Variants in ARHGEF4 observed in about 807,000 individuals in gnomAD.
The protein encoded by ARHGEF4 is Rho guanine nucleotide exchange factor 4, also known as APC-stimulated guanine nucleotide exchange factor 1.
A neutral mutation model predicts 162.0 loss-of-function variants in ARHGEF4; 119 were observed. That is an observed-to-expected ratio of 0.73 (90% confidence interval 0.63 to 0.86). The LOEUF is 0.86. Among genes scored for constraint, ARHGEF4 ranks in the 40% least tolerant of loss-of-function variants. The pLI is 0.00. For missense variants in ARHGEF4, 2,488 were observed against 2,456.0 expected (o/e 1.01, Z -0.28); for synonymous variants, 1,014 against 979.9 (o/e 1.03, Z -0.65).
chr2:130,906,423 A>T (rs1038623758), intron 1 of ARHGEF4, among the ~76,000 whole-genome samples: 4 of 152,366 alleles, frequency 2.6e-5, no homozygotes, highest in African/African-American at 9.6e-5. Flanking sequence ...TGCATGGATT[A>T]GTATACAAAT....
intron 1 of ARHGEF4, among the ~76,000 whole-genome samples, chr2:130,843,852 C>T (rs1269668736): frequency 6.6e-6 from 1 of 152,218 alleles, no homozygotes; most frequent in Non-Finnish European, 1.5e-5. Flanking sequence ...CAGGGGGGCC[C>T]TGAATCCAGA....
rs186507529 is a variant in ARHGEF4 at position 130,916,385 on chromosome 2, G to A, written c.2439G>A (p.Gly813=). 1.1e-3 allele frequency: 1,675 copies of A among 1,533,414 alleles called. 14 individuals are homozygous for A. In the African/African-American group the frequency reaches 0.021, roughly 19 times the overall value. The allele number at this position is 1,533,414 out of a possible 1,614,324, so 95.0% of individuals were successfully genotyped here. A position where few individuals can be genotyped will look rare whatever the true frequency, so the allele number is the denominator to read the frequency against. ...GRPLATESPG[G]VPAPTTEGRR... ...CCTTGGCCACTGAGAGCCCAGGAGG[G>A]GTCCCGGCCCCGACCACCGAGGGTC... is the stretch of plus-strand genomic sequence containing the variant. Residue 813 remains glycine, a synonymous_variant, in exon 2 of 14, where the codon GGG becomes GGA. Coordinates refer to ENST00000409359, the MANE Select transcript of ARHGEF4 (RefSeq NM_001367493.1).
At chr2:130,884,597 AAGGGCAAG>A (rs1679396806) in intron 1 of ARHGEF4, among the ~76,000 whole-genome samples, 1 of 152,136 alleles carries the variant, frequency 6.6e-6, no homozygotes, top group African/African-American at 2.4e-5. Context: ...TTGAGGGCTA[AAGGGCAAG>A]TTGCAACACC....
intron 10 of ARHGEF4, among the ~76,000 whole-genome samples, chr2:131,042,851 G>A (rs1329899443): frequency 2.0e-5 from 3 of 152,192 alleles, no homozygotes; most frequent in Admixed American, 1.3e-4. Context: ...TGAAGCCCAA[G>A]GGTGGATGAT....
intron 4 of ARHGEF4, among the ~76,000 whole-genome samples, chr2:131,025,133 G>C (rs1321009170): frequency 2.0e-5 from 3 of 152,166 alleles, no homozygotes; most frequent in Non-Finnish European, 4.4e-5. Flanking sequence ...CAGTTCCACA[G>C]GCTTCACAGG....
rs114008496 is a variant in ARHGEF4, at chr2:130,955,161, C to G, written c.3985+8526C>G. ...ATTTGAATGCGTTCATTGATATTCT[C>G]TGTTTGGTGAGACACTGTCATCACA... On this transcript the variant is annotated intron_variant, in intron 4 of 13. Coordinates refer to ENST00000409359, the MANE Select transcript of ARHGEF4 (RefSeq NM_001367493.1). 5.1e-3 allele frequency among the ~76,000 whole-genome samples: 781 copies of G among 152,246 alleles called. 4 individuals carry two copies. The highest frequency in any genetic ancestry group is 0.017 in the African/African-American group (706 of 41,554).
rs190822102 is a variant in ARHGEF4, at chr2:130,992,497, G to A, written c.3986-35448G>A. Among the ~76,000 whole-genome samples the A allele has an allele frequency of 4.5e-3, 678 of 151,602 alleles. 5 individuals carry two copies. Among genetic ancestry groups the A allele is most frequent in the African/African-American group, 0.015 (633 of 41,274 alleles). Reference sequence around the variant, plus strand: ...CTGCCTTAAGAGCTGTAACACTCACGGGGAAGGTCTGCAGCTTCACTCCTG... The same window carrying A: ...CTGCCTTAAGAGCTGTAACACTCACAGGGAAGGTCTGCAGCTTCACTCCTG... On this transcript the variant is annotated intron_variant, in intron 4 of 13. Coordinates refer to ENST00000409359, the MANE Select transcript of ARHGEF4 (RefSeq NM_001367493.1).
At chr2:131,030,150 T>C (rs1689750018) in intron 5 of ARHGEF4, among the ~76,000 whole-genome samples, 1 of 152,210 alleles carries the variant, frequency 6.6e-6, no homozygotes, top group African/African-American at 2.4e-5. Context: ...GCCTTATGGC[T>C]GCGTTGATCT....
chr2:130,948,086 G>A (rs1394646315), intron 4 of ARHGEF4, among the ~76,000 whole-genome samples: 1 of 152,238 alleles, frequency 6.6e-6, no homozygotes, highest in Non-Finnish European at 1.5e-5. Context: ...AAGCCAGTGT[G>A]GTGAGGCAGA....
At chr2:130,963,263 T>G (rs1684742586) in intron 4 of ARHGEF4, among the ~76,000 whole-genome samples, 1 of 152,044 alleles carries the variant, frequency 6.6e-6, no homozygotes, top group African/African-American at 2.4e-5. Context: ...GTCAGGAGGG[T>G]CGCAGGCGCC....
At chr2:130,934,986 T>A (rs1409563880) in intron 3 of ARHGEF4, among the ~76,000 whole-genome samples, 1 of 152,228 alleles carries the variant, frequency 6.6e-6, no homozygotes, top group African/African-American at 2.4e-5. Context: ...ACATCAGTAG[T>A]AATGCCTCCA....
At chr2:131,022,652 T>C (rs531205020) in intron 4 of ARHGEF4, among the ~76,000 whole-genome samples, 336 of 20,432 alleles carry the variant, frequency 0.016, 1 homozygote, top group African/African-American at 0.04. Flanking sequence ...GCTTCACACA[T>C]TATACAAAAA....
intron 3 of ARHGEF4, among the ~76,000 whole-genome samples, chr2:130,931,481 A>C (rs1017679233): frequency 2.0e-5 from 3 of 152,090 alleles, no homozygotes; most frequent in African/African-American, 7.2e-5. Context: ...CACAGAAGCC[A>C]GGGCCCCCTC....
chr2:131,031,640 C>T (rs1375187788), intron 5 of ARHGEF4, among the ~76,000 whole-genome samples: 2 of 152,130 alleles, frequency 1.3e-5, no homozygotes, highest in Non-Finnish European at 2.9e-5. Flanking sequence ...GTGCCCTGCC[C>T]CTCGTGAGTG....
chr2:130,913,061 A>C (rs1681287112), intron 1 of ARHGEF4, among the ~76,000 whole-genome samples: 1 of 152,142 alleles, frequency 6.6e-6, no homozygotes, highest in Non-Finnish European at 1.5e-5. Flanking sequence ...AGGGTTCGGT[A>C]CTGGGGGGGA....
At chr2:130,956,054 G>A (rs1240346247) in intron 4 of ARHGEF4, among the ~76,000 whole-genome samples, 1 of 152,212 alleles carries the variant, frequency 6.6e-6, no homozygotes, top group African/African-American at 2.4e-5. Flanking sequence ...GAGAGCAGTA[G>A]CCTAATGTCC....
chr2:130,993,358 G>A (rs1687172172), intron 4 of ARHGEF4, among the ~76,000 whole-genome samples: 1 of 152,114 alleles, frequency 6.6e-6, no homozygotes, highest in African/African-American at 2.4e-5. Context: ...GAAAAATTTT[G>A]TATGATTTCA....
chr2:130,868,510 A>T (rs1208973506), intron 1 of ARHGEF4, among the ~76,000 whole-genome samples: 1 of 152,038 alleles, frequency 6.6e-6, no homozygotes, highest in Non-Finnish European at 1.5e-5. Context: ...CTGCGGTCTG[A>T]GGCGGGAGAA....
chr2:130,914,038 AG>A lies in ARHGEF4; in HGVS notation c.93del (p.Gln31HisfsTer62). 1 of 1,536,134 alleles carries A rather than the reference AG, an allele frequency of 6.5e-7. No homozygotes were observed. The highest frequency in any genetic ancestry group is 2.4e-5 in the East Asian group (1 of 40,902). On this transcript the variant is annotated frameshift_variant, in exon 2 of 14. Transcript: ENST00000409359. LOFTEE classifies it high-confidence loss of function. ...LPGEGEIEDNQLPTSPAEQVE... is the reference protein window; with the variant it reads ...LPGEGEIEDNXLPTSPAEQVE... Reference sequence around the variant, plus strand: ...GGTGAAGGTGAGATTGAAGATAACCAGCTCCCCACATCCCCTGCAGAACAAG... The same window carrying A: ...GGTGAAGGTGAGATTGAAGATAACCACTCCCCACATCCCCTGCAGAACAAG...
Sources: allele counts gnomAD v4.1 joint callset (sites outside exome capture counted in the v4.1 genomes callset), GRCh38; gene constraint gnomAD v4.1.1; transcripts MANE v1.5; gene names NCBI Gene and HGNC (gene_info 2026-07-23, HGNC 2026-07-21).